The following NUP210 variants were observed in gnomAD, a reference collection of about 807,000 sequenced individuals.
NUP210 encodes nuclear pore membrane glycoprotein 210.
Under a neutral mutation model 196.0 loss-of-function variants are expected in NUP210, and 151 were observed. That is an observed-to-expected ratio of 0.77 (90% CI 0.67 to 0.88). The LOEUF is 0.88. NUP210 is among the 40% of genes least tolerant of loss of function. The pLI is 0.00. For missense variants in NUP210, 2,314 were observed against 2,493.7 expected, an observed-to-expected ratio of 0.93 and a Z score of 1.53; for synonymous variants, 1,070 against 1,052.7, an observed-to-expected ratio of 1.02 and a Z score of -0.32.
chr3:13,394,745 T>A (rs879274187), intron 3 of NUP210, among the ~76,000 whole-genome samples: 3 of 152,250 alleles, frequency 2.0e-5, no homozygotes, highest in Admixed American at 6.5e-5. Flanking sequence ...GTGCCACTGT[T>A]CGTTGAGCAA....
intron 1 of NUP210, among the ~76,000 whole-genome samples, chr3:13,418,387 G>A (rs1700415482): frequency 6.6e-6 from 1 of 152,176 alleles, no homozygotes. Context: ...GAGGTCAGGA[G>A]TTCGAGACCA....
chr3:13,323,450 G>A lies in NUP210; in HGVS notation c.4645-18C>T, dbSNP rs372303960. The stretch of plus-strand genomic sequence containing the variant: ...ACCACCACCTAGAGAGGGAGCCAAG[G>A]AAGCTTCATGGAGCGCCGCCTGTGT... On this transcript the variant is annotated intron_variant, in intron 33 of 39. Transcript: ENST00000254508. This position sits in a 1 kb window ranked among gnomAD's most constrained non-coding sequence, Gnocchi z 4.3. 7 of 1,613,474 alleles carry A rather than the reference G, an allele frequency of 4.3e-6. No homozygotes were observed. The highest frequency in any genetic ancestry group is 5.1e-6 in the Non-Finnish European group (6 of 1,179,778).
intron 1 of NUP210, among the ~76,000 whole-genome samples, chr3:13,401,358 G>A (rs1307225815): frequency 1.3e-5 from 2 of 150,318 alleles, no homozygotes; most frequent in Non-Finnish European, 3.0e-5. Context: ...GGCCAAGCCA[G>A]CACAAGGCCC....
intron 31 of NUP210, 24 bp from the exon 32 acceptor site, chr3:13,327,461 G>T: frequency 6.5e-7 from 1 of 1,544,260 alleles, no homozygotes; most frequent in Non-Finnish European, 8.9e-7. Flanking sequence ...AGAAAGGAGG[G>T]CTCTCAGTCT....
intron 4 of NUP210, 142 bp from the exon 5 acceptor site, chr3:13,388,595 C>T: frequency 1.2e-6 from 1 of 814,314 alleles, no homozygotes. Flanking sequence ...AGGGCTGGGG[C>T]TGCCTAGAGA....
At chr3:13,364,004 ACT>A (rs1698451523) in intron 14 of NUP210, among the ~76,000 whole-genome samples, 1 of 151,552 alleles carries the variant, frequency 6.6e-6, no homozygotes, top group South Asian at 2.1e-4. Context: ...GGGGATTTCA[ACT>A]CTCTCCACTC....
chr3:13,361,996 C>T (rs888241440), intron 14 of NUP210, among the ~76,000 whole-genome samples: 3 of 152,186 alleles, frequency 2.0e-5, no homozygotes, highest in Non-Finnish European at 2.9e-5. Flanking sequence ...CCTCCCCAAC[C>T]CAGCCCCAAC....
intron 20 of NUP210, 36 bp from the exon 21 acceptor site, chr3:13,343,339 T>TGGGGTGGGGGGGGGGGGGGGGGG: frequency 3.5e-6 from 1 of 282,520 alleles, no homozygotes; most frequent in Admixed American, 5.7e-5. Flanking sequence ...GGGTGGGTGG[T>TGGGGTGGGGGGGGGGGGGGGGGG]GGGTTACGCA....
chr3:13,321,809 G>T lies in NUP210; in HGVS notation c.4942C>A (p.His1648Asn). Residue 1648 changes from histidine (H) to asparagine (N), a missense_variant, in exon 36 of 40, where the codon CAC (histidine) becomes AAC (asparagine). By Grantham distance (68) the His-to-Asn change is moderately conservative. Transcript: ENST00000254508. ...LGQYFCSITMHRLTDKQRKHL... is the reference protein window; with the variant it reads ...LGQYFCSITMNRLTDKQRKHL... ...TTCCGCTGCTTGTCCGTCAGCCTGTGCATTGTGATTGAGCAGAAGTACTGG... is the reference window on the plus strand; with the variant it reads ...TTCCGCTGCTTGTCCGTCAGCCTGTTCATTGTGATTGAGCAGAAGTACTGG... 1 of 1,608,342 alleles carries T rather than the reference G, an allele frequency of 6.2e-7. No homozygotes were observed.
At chr3:13,383,092 C>T (rs1699155424) in intron 6 of NUP210, among the ~76,000 whole-genome samples, 3 of 152,176 alleles carry the variant, frequency 2.0e-5, no homozygotes, top group South Asian at 4.1e-4. Flanking sequence ...TGCTGTGAGC[C>T]ATGATCATGA....
intron 30 of NUP210, 49 bp from the exon 31 acceptor site, chr3:13,328,995 C>T: frequency 6.4e-7 from 1 of 1,568,404 alleles, no homozygotes; most frequent in Non-Finnish European, 8.7e-7. Flanking sequence ...CAGGGACTGG[C>T]CTCCAGGAAA....
chr3:13,340,230 T>C lies in NUP210; in HGVS notation c.3291+6A>G. On this transcript the variant is annotated splice_donor_region_variant and intron_variant, in intron 24 of 39. Transcript: ENST00000254508. The surrounding 1 kb of genome is among the most constrained non-coding windows in gnomAD (Gnocchi z 4.0). Reference sequence around the variant, plus strand: ...CTGGAGCAGGACGTGGCCTCTTGGCTCTCACCTGCATCGTGGCCCCGATAA... The same window carrying C: ...CTGGAGCAGGACGTGGCCTCTTGGCCCTCACCTGCATCGTGGCCCCGATAA... 1 of 1,613,374 alleles carries C rather than the reference T, an allele frequency of 6.2e-7. No individual in the cohort carries two copies. Among genetic ancestry groups the C allele is most frequent in the Non-Finnish European group, 8.5e-7 (1 of 1,179,970 alleles).
At chr3:13,332,237 G>A (rs1697024317) in intron 29 of NUP210, 56 bp downstream of exon 29, 1 of 1,392,702 alleles carries the variant, frequency 7.2e-7, no homozygotes, top group African/African-American at 1.4e-5. Context: ...CACATGAGGT[G>A]TCGGATGCAA....
rs1226632173 is a variant in NUP210, at chr3:13,350,892, G to T, written c.2835+987C>A. 6.6e-6 allele frequency among the ~76,000 whole-genome samples: 1 copy of T among 151,764 alleles called. No individual in the cohort carries two copies. Among genetic ancestry groups the T allele is most frequent in the Non-Finnish European group, 1.5e-5 (1 of 67,954 alleles). ...TTTTTGTATATTTAGTAGAGACAGG[G>T]TTTCACCGTGTTAGCCAGGATGGTC... is the stretch of plus-strand genomic sequence containing the variant. On this transcript the variant is annotated intron_variant, in intron 20 of 39. Transcript: ENST00000254508. This position sits in a 1 kb window ranked among gnomAD's most constrained non-coding sequence, Gnocchi z 4.1.
At chr3:13,363,646 C>T (rs1241163070) in intron 14 of NUP210, among the ~76,000 whole-genome samples, 1 of 152,180 alleles carries the variant, frequency 6.6e-6, no homozygotes, top group African/African-American at 2.4e-5. Flanking sequence ...ACATCAATTC[C>T]TCTATTGGTT....
intron 1 of NUP210, among the ~76,000 whole-genome samples, chr3:13,410,849 C>T (rs1173284453): frequency 2.0e-5 from 3 of 146,824 alleles, no homozygotes; most frequent in Non-Finnish European, 3.0e-5. Context: ...ACCCAGGAGG[C>T]GGAGCTGGCA....
At position 13,321,748 on chromosome 3, in the gene NUP210, C is replaced by T; in HGVS notation, c.5003G>A (p.Ser1668Asn). ...GAAGTGGCTGCTGGAGAGGGAGGCA[C>T]TGACCACCAGAGCTGTCTTCTTCAT... is the stretch of plus-strand genomic sequence containing the variant. ...LSMKKTALVVSASLSSSHFST... is the reference protein window; with the variant it reads ...LSMKKTALVVNASLSSSHFST... Residue 1668 changes from serine (S) to asparagine (N), a missense_variant, in exon 36 of 40, where the codon AGT becomes AAT. By Grantham distance (46) the Ser-to-Asn change is conservative. Transcript: ENST00000254508. The T allele has an allele frequency of 1.2e-6, 2 of 1,613,788 alleles. No individual in the cohort carries two copies. The highest frequency in any genetic ancestry group is 1.7e-6 in the Non-Finnish European group (2 of 1,180,038).
intron 8 of NUP210, among the ~76,000 whole-genome samples, chr3:13,378,506 T>C (rs531163580): frequency 3.3e-5 from 5 of 152,362 alleles, no homozygotes; most frequent in African/African-American, 1.2e-4. Context: ...ATCATCATCA[T>C]GTTCCTCCCC....
At chr3:13,399,907 A>T in intron 1 of NUP210, 46 bp from the exon 2 acceptor site, 1 of 1,565,158 alleles carries the variant, frequency 6.4e-7, no homozygotes, top group Non-Finnish European at 8.7e-7. Flanking sequence ...CTGCACTGCA[A>T]GGCACAGTGG....
Sources: gnomAD v4.1 joint callset for allele counts (sites outside exome capture counted in the v4.1 genomes callset) on GRCh38, gnomAD v4.1.1 for gene constraint, Gnocchi (gnomAD v3.1) non-coding constraint, MANE v1.5 for transcripts, NCBI Gene and HGNC (gene_info 2026-07-23, HGNC 2026-07-21) for gene names.